Variants in KIF23 observed in about 807,000 individuals in gnomAD.
KIF23 encodes kinesin-like protein KIF23.
A neutral mutation model predicts 137.5 loss-of-function variants in KIF23; 30 were observed. That is an observed-to-expected ratio of 0.22 (90% CI 0.16 to 0.30). The LOEUF (loss-of-function observed/expected upper bound fraction) is 0.30, where lower values mean the gene tolerates loss of function less well. Among genes scored for constraint, KIF23 ranks in the 10% least tolerant of loss-of-function variants. The probability of loss-of-function intolerance (pLI) is 1.00; values close to 1 mark genes in which losing one functional copy is unlikely to be tolerated. For missense variants in KIF23, 920 were observed against 1,194.3 expected (o/e 0.77, Z 3.38); for synonymous variants, 367 against 391.1 (o/e 0.94, Z 0.73).
intron 8 of KIF23, chr15:69,425,795 A>C (rs928922105): frequency 1.8e-5 from 3 of 168,592 alleles, no homozygotes; most frequent in African/African-American, 7.2e-5. Flanking sequence ...GTATTGTTTC[A>C]TGTGCTTTCT....
At position 69,441,062 on chromosome 15, in the gene KIF23, G is replaced by C. The variant is rs769298064; in HGVS notation, c.2404G>C (p.Glu802Gln). 2.5e-6 allele frequency: 4 copies of C among 1,611,570 alleles called. No homozygotes were observed. The African/African-American group carries it at 5.3e-5, about 22-fold the overall frequency. The change falls in exon 19 of 24, where the codon GAG (glutamate) becomes CAG (glutamine). Residue 802 changes from glutamate to glutamine, a missense_variant. Glu to Gln is a conservative substitution (Grantham distance 29, BLOSUM62 2). Transcript: ENST00000679126. The stretch of plus-strand genomic sequence containing the variant: ...ATTCAGAAATGAGATAGAAATAGAA[G>C]AGGATCATTGCGGCAGGGTTAGTGC... ...PTFRNEIEIEEDHCGRLLFQP... is the reference protein window; with the variant it reads ...PTFRNEIEIEQDHCGRLLFQP...
intron 3 of KIF23, among the ~76,000 whole-genome samples, chr15:69,418,861 A>T (rs2056983059): frequency 6.6e-6 from 1 of 152,234 alleles, no homozygotes; most frequent in Non-Finnish European, 1.5e-5. Flanking sequence ...TCATGCCTGC[A>T]GTCTCAGCAC....
chr15:69,415,466 CT>C (rs2056876046), intron 1 of KIF23, among the ~76,000 whole-genome samples: 1 of 152,068 alleles, frequency 6.6e-6, no homozygotes, highest in Non-Finnish European at 1.5e-5. Context: ...ATCAAAATAA[CT>C]TTTTGATTGC....
intron 23 of KIF23, among the ~76,000 whole-genome samples, chr15:69,447,279 T>C (rs1361670974): frequency 1.3e-5 from 2 of 152,276 alleles, no homozygotes; most frequent in East Asian, 1.9e-4. Context: ...AGTTGGAGAC[T>C]AGACAGCTTT....
chr15:69,414,595 C>G, intron 1 of KIF23, 119 bp downstream of exon 1: 2 of 1,143,108 alleles, frequency 1.7e-6, no homozygotes, highest in Non-Finnish European at 2.3e-6. Flanking sequence ...CAGCATCCCG[C>G]CCGGTGCTGC....
Position 69,444,748 on chromosome 15 carries a change from A to G in KIF23, c.2422-42A>G. The G allele has an allele frequency of 2.5e-6, 4 of 1,598,172 alleles. No individual in the cohort carries two copies. Among genetic ancestry groups the G allele is most frequent in the Non-Finnish European group, 3.4e-6 (4 of 1,170,330 alleles). The stretch of plus-strand genomic sequence containing the variant: ...TGTAGCCAAACCTGCTGCACTTCTA[A>G]TAATACCCTTAAATTAATTCTGGGT... On this transcript the variant is annotated intron_variant, in intron 19 of 23. Coordinates refer to ENST00000679126, the MANE Select transcript of KIF23 (RefSeq NM_001367805.3). The surrounding 1 kb of genome is among the most constrained non-coding windows in gnomAD (Gnocchi z 4.2).
At chr15:69,445,085 T>A (rs1459056187) in intron 20 of KIF23, 44 bp downstream of exon 20, 2 of 1,550,248 alleles carry the variant, frequency 1.3e-6, no homozygotes, top group East Asian at 4.7e-5. Flanking sequence ...TATTTAAAAA[T>A]TCAACAAAAG....
At chr15:69,446,847 T>C (rs368250941) in intron 22 of KIF23, 24 bp from the exon 23 acceptor site, 117 of 1,607,354 alleles carry the variant, frequency 7.3e-5, no homozygotes, top group Admixed American at 1.2e-4. Context: ...GCTGATCTTT[T>C]TCCTCTTGTC....
rs1287098793 is a variant in KIF23 at position 69,434,762 on chromosome 15, C to T, written c.1115-721C>T. 2.6e-6 allele frequency: 3 copies of T among 1,173,840 alleles called. No homozygotes were observed. In the East Asian group the frequency reaches 7.3e-5, roughly 29 times the overall value. The allele number at this position is 1,173,840 out of a possible 1,614,324, so 72.7% of individuals were successfully genotyped here. A position where few individuals can be genotyped will look rare whatever the true frequency, so the allele number is the denominator to read the frequency against. On this transcript the variant is annotated intron_variant, in intron 11 of 23. Transcript: ENST00000679126. ...CGAACGCGCTGACTGGGCAGGAGGC[C>T]ATAAAGCTCTTGGCCAGAGTCCAAG... is the stretch of plus-strand genomic sequence containing the variant.
In KIF23 at chr15:69,438,642, A is replaced by G. The variant is rs139565501; in HGVS notation, c.1755+237A>G. ...GGCAAAAGCCCATCTCTACTAAAAA[A>G]GTACAAAAGTTAGCTGGGCGTGGTG... is the stretch of plus-strand genomic sequence containing the variant. On this transcript the variant is annotated intron_variant, in intron 16 of 23. Coordinates refer to ENST00000679126, the MANE Select transcript of KIF23 (RefSeq NM_001367805.3). 2.2e-3 allele frequency among the ~76,000 whole-genome samples: 328 copies of G among 152,290 alleles called. 2 individuals carry two copies. The highest frequency in any genetic ancestry group is 7.6e-3 in the African/African-American group (317 of 41,560).
intron 16 of KIF23, among the ~76,000 whole-genome samples, chr15:69,439,426 C>T (rs932812785): frequency 1.3e-5 from 2 of 151,888 alleles, no homozygotes; most frequent in Non-Finnish European, 2.9e-5. Flanking sequence ...ATTTGGTTTA[C>T]AAATCGATTG....
chr15:69,437,699 T>G (rs1363551365), intron 15 of KIF23, among the ~76,000 whole-genome samples: 5 of 152,076 alleles, frequency 3.3e-5, no homozygotes, highest in Non-Finnish European at 7.4e-5. Context: ...GACATCGTGA[T>G]CCACCCACCT....
intron 3 of KIF23, among the ~76,000 whole-genome samples, chr15:69,419,078 T>G (rs2140315603): frequency 6.6e-6 from 1 of 152,164 alleles, no homozygotes; most frequent in Admixed American, 6.5e-5. Context: ...GATCGCGCCA[T>G]TGCACTCCAG....
intron 4 of KIF23, 93 bp from the exon 5 acceptor site, chr15:69,421,899 C>T: frequency 6.7e-7 from 1 of 1,482,594 alleles, no homozygotes; most frequent in Non-Finnish European, 9.2e-7. Context: ...CTTTTTTGAG[C>T]TGGCTAATTG....
In KIF23 at chr15:69,447,875, A is replaced by T; in HGVS notation, c.*68A>T. On this transcript the variant is annotated 3_prime_UTR_variant, in exon 24 of 24. Transcript: ENST00000679126. ...ATGATTTCTCGAAAGCCATGCCAGAAGCAGTCTTCCAGGTCATCTTGTAGA... is the reference window on the plus strand; with the variant it reads ...ATGATTTCTCGAAAGCCATGCCAGATGCAGTCTTCCAGGTCATCTTGTAGA... 1 of 1,535,984 alleles carries T rather than the reference A, an allele frequency of 6.5e-7. No individual in the cohort carries two copies. Among genetic ancestry groups the T allele is most frequent in the Non-Finnish European group, 9.0e-7 (1 of 1,112,278 alleles).
In KIF23 at chr15:69,438,969, A is replaced by G. The variant is rs112721229; in HGVS notation, c.1755+564A>G. On this transcript the variant is annotated intron_variant, in intron 16 of 23. Coordinates refer to ENST00000679126, the MANE Select transcript of KIF23 (RefSeq NM_001367805.3). The stretch of plus-strand genomic sequence containing the variant: ...AAAAATTAGCCAGGCATGGTGGTAC[A>G]TGTCTGTAGTCCCAGCTACTCGGAA... Among the ~76,000 whole-genome samples the G allele has an allele frequency of 9.3e-3, 1,405 of 151,170 alleles. 17 individuals are homozygous for G. Among genetic ancestry groups the G allele is most frequent in the African/African-American group, 0.031 (1,284 of 41,062 alleles).
intron 7 of KIF23, 41 bp downstream of exon 7, chr15:69,423,370 G>A: frequency 1.5e-6 from 2 of 1,378,560 alleles, no homozygotes; most frequent in Non-Finnish European, 1.9e-6. Context: ...GTTAATGTTG[G>A]GGAAGTTACT....
chr15:69,447,088 G>A, intron 23 of KIF23, 147 bp downstream of exon 23: 1 of 725,986 alleles, frequency 1.4e-6, no homozygotes, highest in East Asian at 2.7e-5. Context: ...GGGCCTCCAT[G>A]GGCAGACTGC....
intron 14 of KIF23, 86 bp from the exon 15 acceptor site, chr15:69,436,478 C>T (rs2057483664): frequency 1.6e-6 from 2 of 1,252,128 alleles, no homozygotes; most frequent in South Asian, 1.5e-5. Context: ...GTTAGTTGCA[C>T]TGGGGCTGTA....
Sources: allele counts gnomAD v4.1 joint callset (sites outside exome capture counted in the v4.1 genomes callset), GRCh38; gene constraint gnomAD v4.1.1; non-coding constraint Gnocchi (gnomAD v3.1); transcripts MANE v1.5; gene names NCBI Gene and HGNC (gene_info 2026-07-23, HGNC 2026-07-21).